Variants in STK3 observed in about 807,000 individuals in gnomAD.
STK3 encodes the protein serine/threonine kinase 3.
STK3 carries 41 observed loss-of-function variants against 58.0 expected under a neutral mutation model. That is an observed-to-expected ratio of 0.71 (90% CI 0.55 to 0.92). STK3 has a LOEUF of 0.92. STK3 is among the 40% of genes least tolerant of loss of function. STK3 has a pLI of 0.00. For missense variants in STK3, 479 were observed against 602.7 expected (o/e 0.79, Z 2.15); for synonymous variants, 170 against 191.0 (o/e 0.89, Z 0.91).
intron 3 of STK3, among the ~76,000 whole-genome samples, chr8:98,847,361 A>C (rs918511352): frequency 6.6e-6 from 1 of 152,236 alleles, no homozygotes; most frequent in African/African-American, 2.4e-5. Context: ...CTGCCCTAGC[A>C]GTAGGGTGAA....
chr8:98,760,654 T>TC (rs1022369252), intron 3 of STK3, among the ~76,000 whole-genome samples: 1 of 152,184 alleles, frequency 6.6e-6, no homozygotes, highest in Non-Finnish European at 1.5e-5. Context: ...CATTAATTTT[T>TC]TCCTTCCCCT....
intron 6 of STK3, among the ~76,000 whole-genome samples, chr8:98,686,697 C>T (rs1824023648): frequency 6.6e-6 from 1 of 151,956 alleles, no homozygotes; most frequent in South Asian, 2.1e-4. Context: ...GAAAAATAAT[C>T]TAAGATTTGA....
chr8:98,572,376 A>G (rs565049537), intron 8 of STK3, among the ~76,000 whole-genome samples: 3 of 152,164 alleles, frequency 2.0e-5, no homozygotes, highest in Non-Finnish European at 4.4e-5. Flanking sequence ...TTTATAAAAA[A>G]TATTTTACTT....
At chr8:98,765,718 TGAGA>T (rs1330739756) in intron 3 of STK3, among the ~76,000 whole-genome samples, 1 of 152,216 alleles carries the variant, frequency 6.6e-6, no homozygotes, top group African/African-American at 2.4e-5. Context: ...ATGCTAACGA[TGAGA>T]GAGTACAAGA....
chr8:98,633,692 A>G, intron 6 of STK3: 1 of 690,268 alleles, frequency 1.4e-6, no homozygotes, highest in Non-Finnish European at 2.7e-6. Flanking sequence ...AGGTTAGAGA[A>G]TACAAATCTA....
At chr8:98,884,815 A>T (rs528936017) in intron 1 of STK3, among the ~76,000 whole-genome samples, 6 of 152,370 alleles carry the variant, frequency 3.9e-5, no homozygotes, top group African/African-American at 1.4e-4. Flanking sequence ...TTTGGTCACC[A>T]TTATATTCCC....
downstream of STK3, chr8:98,879,595 C>G (rs1486208549): frequency 6.6e-6 from 1 of 152,128 alleles, no homozygotes; most frequent in Non-Finnish European, 1.5e-5. Context: ...TGCCACAAAA[C>G]CTAAAGAGCT....
intron 4 of STK3, among the ~76,000 whole-genome samples, chr8:98,708,034 G>A (rs1479643553): frequency 1.3e-5 from 2 of 151,830 alleles, no homozygotes; most frequent in South Asian, 2.1e-4. Flanking sequence ...AGCTACTCAG[G>A]AGGCTGAGGC....
Position 98,800,654 on chromosome 8 carries a change from T to A in STK3, c.26+24861A>T, listed in dbSNP as rs889510998. Among the ~76,000 whole-genome samples, 4 of 152,084 alleles carry A rather than the reference T, an allele frequency of 2.6e-5. No homozygotes were observed. Among genetic ancestry groups the A allele is most frequent in the African/African-American group, 9.7e-5 (4 of 41,424 alleles). ...TGGGCCAGCACGAGTTCCGGGTGGG[T>A]GTGGGCTTGATGGGCCCCGCACTCA... On this transcript the variant is annotated intron_variant, in intron 1 of 10. Coordinates refer to ENST00000419617, the MANE Select transcript of STK3 (RefSeq NM_006281.4). The surrounding 1 kb of genome is among the most constrained non-coding windows in gnomAD (Gnocchi z 4.8).
rs1288966023 is a variant in STK3 at position 98,648,356 on chromosome 8, T to A, written c.685-52187A>T. ...AAAATGTATCAAATGTATTCAACTT[T>A]TCCCACCTTGTTTCCAGTTTTTTAC... is the stretch of plus-strand genomic sequence containing the variant. On this transcript the variant is annotated intron_variant, in intron 6 of 10. Coordinates refer to ENST00000419617, the MANE Select transcript of STK3 (RefSeq NM_006281.4). Among the ~76,000 whole-genome samples, 4 of 152,232 alleles carry A rather than the reference T, an allele frequency of 2.6e-5. No individual in the cohort carries two copies. The East Asian group carries it at 7.7e-4, about 29-fold the overall frequency.
At chr8:98,658,010 A>C (rs1053427034) in intron 6 of STK3, among the ~76,000 whole-genome samples, 1 of 152,086 alleles carries the variant, frequency 6.6e-6, no homozygotes, top group Non-Finnish European at 1.5e-5. Flanking sequence ...CTAAAGTCAC[A>C]TAATAGGAAA....
chr8:98,614,956 A>C (rs1251930810), intron 6 of STK3, among the ~76,000 whole-genome samples: 1 of 152,226 alleles, frequency 6.6e-6, no homozygotes, highest in African/African-American at 2.4e-5. Context: ...GGTGGAGCCC[A>C]CCAGAGTTCA....
intron 1 of STK3, among the ~76,000 whole-genome samples, chr8:98,940,137 C>T (rs1050632943): frequency 1.3e-5 from 2 of 151,976 alleles, no homozygotes; most frequent in African/African-American, 4.8e-5. Flanking sequence ...CCTACCCCCT[C>T]GGCGTGCGGC....
intron 6 of STK3, among the ~76,000 whole-genome samples, chr8:98,658,374 T>A (rs1162938670): frequency 6.6e-6 from 1 of 152,010 alleles, no homozygotes; most frequent in Non-Finnish European, 1.5e-5. Flanking sequence ...GGGTCATGCT[T>A]GCAATAACCC....
At chr8:98,883,630 A>C, downstream of STK3, 1 of 702,852 alleles carries the variant, frequency 1.4e-6, no homozygotes, top group Non-Finnish European at 2.6e-6. Flanking sequence ...AGGGACTGCA[A>C]CCAGGCATTT....
chr8:98,665,509 CACATCAGCCTCCG>C, intron 6 of STK3, among the ~76,000 whole-genome samples: 1 of 151,952 alleles, frequency 6.6e-6, no homozygotes, highest in Admixed American at 6.6e-5. Flanking sequence ...GCAATCCTCC[CACATCAGCCTCCG>C]GAGCAGCTGG....
intron 3 of STK3, among the ~76,000 whole-genome samples, chr8:98,848,749 A>G (rs1836316012): frequency 1.3e-5 from 2 of 152,138 alleles, no homozygotes; most frequent in Admixed American, 6.6e-5. Context: ...ACCATTCATT[A>G]GTTGGTGGAC....
intron 10 of STK3, chr8:98,463,000 A>G (rs1586621442): frequency 6.6e-6 from 1 of 152,208 alleles, no homozygotes; most frequent in East Asian, 1.9e-4. Context: ...GGCCATGCTA[A>G]TCTTCACTGT....
intron 6 of STK3, among the ~76,000 whole-genome samples, chr8:98,679,117 G>A (rs1029662233): frequency 6.6e-6 from 1 of 152,158 alleles, no homozygotes; most frequent in African/African-American, 2.4e-5. Context: ...GTCATCTCTC[G>A]GTTTATGCAA....
Sources: allele counts gnomAD v4.1 joint callset (sites outside exome capture counted in the v4.1 genomes callset), GRCh38; gene constraint gnomAD v4.1.1; non-coding constraint Gnocchi (gnomAD v3.1); transcripts MANE v1.5; gene names NCBI Gene and HGNC (gene_info 2026-07-23, HGNC 2026-07-21).